GPC6: variants seen among roughly 807,000 people sequenced by gnomAD.
GPC6 encodes the protein glypican-6.
A neutral mutation model predicts 55.2 loss-of-function variants in GPC6; 14 were observed. The observed-to-expected ratio is 0.25, with a 90% CI of 0.17 to 0.40. The LOEUF (loss-of-function observed/expected upper bound fraction) is 0.40, where lower values mean the gene tolerates loss of function less well. GPC6 is among the 10% of genes least tolerant of loss of function. The pLI, the probability that GPC6 is intolerant of heterozygous loss-of-function variation, is 1.00. For missense variants in GPC6, 641 were observed against 708.5 expected (o/e 0.90, Z 1.08); for synonymous variants, 278 against 259.6 (o/e 1.07, Z -0.68).
intron 1 of GPC6, among the ~76,000 whole-genome samples, chr13:93,509,066 G>A (rs559711961): frequency 6.6e-6 from 1 of 152,298 alleles, no homozygotes. Flanking sequence ...GAGGGAAGCA[G>A]TGGTTCCAGT....
intron 1 of GPC6, among the ~76,000 whole-genome samples, chr13:93,361,486 C>T (rs979426188): frequency 1.3e-5 from 2 of 152,076 alleles, no homozygotes; most frequent in Non-Finnish European, 2.9e-5. Context: ...CATAGATGTT[C>T]ATAAGATATA....
intron 6 of GPC6, among the ~76,000 whole-genome samples, chr13:94,317,829 G>T (rs1004444078): frequency 6.6e-6 from 1 of 152,016 alleles, no homozygotes; most frequent in Non-Finnish European, 1.5e-5. Flanking sequence ...GACAAGGAAG[G>T]GTATAGTGTA....
intron 3 of GPC6, among the ~76,000 whole-genome samples, chr13:93,861,415 A>G (rs915218797): frequency 6.6e-6 from 1 of 151,494 alleles, no homozygotes; most frequent in Admixed American, 6.6e-5. Context: ...TGTAAAAAAA[A>G]AAAAAAGAAA....
intron 2 of GPC6, among the ~76,000 whole-genome samples, chr13:93,596,869 G>A (rs927778206): frequency 3.4e-5 from 5 of 149,060 alleles, no homozygotes; most frequent in African/African-American, 7.3e-5. Flanking sequence ...GAATTGGCTC[G>A]TGTGATTATG....
At chr13:93,779,273 C>G (rs1156583796) in intron 2 of GPC6, among the ~76,000 whole-genome samples, 3 of 152,094 alleles carry the variant, frequency 2.0e-5, no homozygotes, top group Non-Finnish European at 2.9e-5. Flanking sequence ...ATTCACTGGG[C>G]TTTAATCAAT....
Position 93,440,333 on chromosome 13 carries a change from A to G in GPC6, c.161-104930A>G, listed in dbSNP as rs964176068. Among the ~76,000 whole-genome samples, 11 of 152,338 alleles carry G rather than the reference A, an allele frequency of 7.2e-5. 1 individual carries two copies. Among genetic ancestry groups the G allele is most frequent in the Admixed American group, 5.9e-4 (9 of 15,302 alleles). ...GTTTCTGCCACTTGGTCACTTGTGCAGAGATGCCTTAGTGGAGAAGCAGAT... is the reference window on the plus strand; with the variant it reads ...GTTTCTGCCACTTGGTCACTTGTGCGGAGATGCCTTAGTGGAGAAGCAGAT... On this transcript the variant is annotated intron_variant, in intron 1 of 8. Coordinates refer to ENST00000377047, the MANE Select transcript of GPC6 (RefSeq NM_005708.5).
At chr13:94,372,447 G>C (rs1230984294) in intron 6 of GPC6, among the ~76,000 whole-genome samples, 1 of 152,238 alleles carries the variant, frequency 6.6e-6, no homozygotes, top group South Asian at 2.1e-4. Flanking sequence ...AAAGAAAGGG[G>C]TGACTGACGG....
At chr13:93,448,018 A>C (rs990819368) in intron 1 of GPC6, among the ~76,000 whole-genome samples, 1 of 152,172 alleles carries the variant, frequency 6.6e-6, no homozygotes, top group African/African-American at 2.4e-5. Context: ...GATTCTGCAC[A>C]TAGGGCCAAG....
At chr13:93,705,183 A>G (rs896882894) in intron 2 of GPC6, among the ~76,000 whole-genome samples, 1 of 151,932 alleles carries the variant, frequency 6.6e-6, no homozygotes, top group Non-Finnish European at 1.5e-5. Context: ...TTTGAAGTGT[A>G]TTCTATATCA....
chr13:93,217,149 C>T, the GPC6 span, among the ~76,000 whole-genome samples: 5 of 152,094 alleles, frequency 3.3e-5, no homozygotes, highest in Admixed American at 6.5e-5. Flanking sequence ...TGGTGAAGTA[C>T]GTGTGATTCA....
intron 6 of GPC6, among the ~76,000 whole-genome samples, chr13:94,341,694 T>A (rs1232341045): frequency 6.6e-6 from 1 of 152,178 alleles, no homozygotes; most frequent in Admixed American, 6.5e-5. Flanking sequence ...TGGCAGCTCA[T>A]TTTTTAAAAT....
intron 2 of GPC6, among the ~76,000 whole-genome samples, chr13:93,696,826 G>A (rs1026898256): frequency 1.3e-5 from 2 of 151,846 alleles, no homozygotes; most frequent in Non-Finnish European, 2.9e-5. Flanking sequence ...TTTTCACCAT[G>A]TTGGCCAGGC....
chr13:94,202,468 A>G (rs1889782907), intron 4 of GPC6, among the ~76,000 whole-genome samples: 2 of 152,216 alleles, frequency 1.3e-5, no homozygotes, highest in Admixed American at 1.3e-4. Context: ...ATGAGAGCCA[A>G]GTGAAAAGGG....
intron 1 of GPC6, among the ~76,000 whole-genome samples, chr13:93,328,678 T>TAA (rs66848105): frequency 7.4e-6 from 1 of 135,494 alleles, no homozygotes; most frequent in Non-Finnish European, 1.6e-5. Context: ...TTGTCTCAAT[T>TAA]AAAAAAAAAA....
At chr13:94,294,509 G>T (rs1875216489) in intron 5 of GPC6, among the ~76,000 whole-genome samples, 1 of 151,540 alleles carries the variant, frequency 6.6e-6, no homozygotes, top group Admixed American at 6.6e-5. Flanking sequence ...AGCTATTGGG[G>T]CTTAGTTTCC....
At chr13:93,623,915 T>G (rs1385886574) in intron 2 of GPC6, among the ~76,000 whole-genome samples, 1 of 152,166 alleles carries the variant, frequency 6.6e-6, no homozygotes. Flanking sequence ...TCAGGTCTTT[T>G]GCCCGTTTTT....
chr13:93,572,143 A>G (rs1414353100), intron 2 of GPC6, among the ~76,000 whole-genome samples: 1 of 152,142 alleles, frequency 6.6e-6, no homozygotes, highest in Non-Finnish European at 1.5e-5. Context: ...ACCAGATTCA[A>G]TTCAAGGAAA....
chr13:94,251,463 G>GAAAAAA (rs57853055), intron 4 of GPC6, among the ~76,000 whole-genome samples: 1 of 145,708 alleles, frequency 6.9e-6, no homozygotes, highest in Non-Finnish European at 1.5e-5. Flanking sequence ...GAACTTAAAG[G>GAAAAAA]AAAAAAAAAA....
At chr13:94,298,314 T>C (rs1875451931) in intron 5 of GPC6, among the ~76,000 whole-genome samples, 1 of 152,232 alleles carries the variant, frequency 6.6e-6, no homozygotes, top group African/African-American at 2.4e-5. Flanking sequence ...TTCCTAATGA[T>C]ACGTGAATGC....
Sources: allele counts gnomAD v4.1 joint callset (sites outside exome capture counted in the v4.1 genomes callset), GRCh38; gene constraint gnomAD v4.1.1; transcripts MANE v1.5; gene names NCBI Gene and HGNC (gene_info 2026-07-23, HGNC 2026-07-21).